The following C16orf96 variants were observed in gnomAD, a reference collection of about 807,000 sequenced individuals.
The protein encoded by C16orf96 is uncharacterized protein C16orf96.
In C16orf96, 108 loss-of-function variants were observed where a neutral mutation model predicts 103.6. That is an observed-to-expected ratio of 1.04 (90% CI 0.89 to 1.22). The LOEUF (loss-of-function observed/expected upper bound fraction) is 1.22. C16orf96 is among the 50% of genes most tolerant of loss of function. The pLI is 0.00. For missense variants in C16orf96, 1,586 were observed against 1,464.2 expected (o/e 1.08, Z -1.36); for synonymous variants, 566 against 593.5 (o/e 0.95, Z 0.67).
At chr16:4,566,291 C>T (rs796277158) in intron 1 of C16orf96, among the ~76,000 whole-genome samples, 14 of 152,292 alleles carry the variant, frequency 9.2e-5, no homozygotes, top group South Asian at 4.1e-4. Flanking sequence ...ATTTACATTC[C>T]CAGCAGCAGT....
At chr16:4,567,327 A>G (rs1376351261) in intron 1 of C16orf96, among the ~76,000 whole-genome samples, 2 of 121,744 alleles carry the variant, frequency 1.6e-5, no homozygotes, top group Non-Finnish European at 3.2e-5. Context: ...TCTGTCACCC[A>G]GGCTGGAGTG....
At chr16:4,554,955 T>C (rs1248363673), upstream of C16orf96, among the ~76,000 whole-genome samples, 1 of 151,512 alleles carries the variant, frequency 6.6e-6, no homozygotes, top group East Asian at 2.0e-4. Context: ...CCACCTGGGC[T>C]CTCCTTCCCA....
At chr16:4,562,865 C>T in intron 1 of C16orf96, 1 of 1,386,784 alleles carries the variant, frequency 7.2e-7, no homozygotes, top group Non-Finnish European at 1.0e-6. Context: ...TCAGCTGGCT[C>T]CATTGTTCTG....
upstream of C16orf96, among the ~76,000 whole-genome samples, chr16:4,552,309 C>G (rs578008932): frequency 1.7e-4 from 26 of 151,960 alleles, no homozygotes; most frequent in East Asian, 4.8e-3. Context: ...TGGTGAAACC[C>G]CATCTCTACT....
chr16:4,579,886 C>T, intron 6 of C16orf96, 129 bp from the exon 7 acceptor site: 2 of 713,474 alleles, frequency 2.8e-6, no homozygotes, highest in Non-Finnish European at 4.7e-6. Flanking sequence ...GCTGGGATTA[C>T]AGGCATGAGC....
Position 4,569,904 on chromosome 16 carries a change from C to T in C16orf96, c.421-1657C>T, listed in dbSNP as rs964397753. Among the ~76,000 whole-genome samples the T allele has an allele frequency of 5.3e-5, 8 of 152,046 alleles. 1 individual carries two copies. The highest frequency in any genetic ancestry group is 5.2e-4 in the Admixed American group (8 of 15,240). ...TCTCACCAGGAGGACATGTTGAAAG[C>T]GTGCCCATGGCCACTTTTACAACTT... On this transcript the variant is annotated intron_variant, in intron 1 of 15. Coordinates refer to ENST00000444310, the MANE Select transcript of C16orf96 (RefSeq NM_001145011.2).
At position 4,583,916 on chromosome 16, in the gene C16orf96, C is replaced by G. The variant is rs184478774; in HGVS notation, c.2353-3123C>G. ...CTCCAGCCTGGGCGAGAGAGCAAGACTGTATCTCAAAAAAAAAAAAAAAAA... is the reference window on the plus strand; with the variant it reads ...CTCCAGCCTGGGCGAGAGAGCAAGAGTGTATCTCAAAAAAAAAAAAAAAAA... On this transcript the variant is annotated intron_variant, in intron 7 of 15. Transcript: ENST00000444310. Among the ~76,000 whole-genome samples, 260 of 83,910 alleles carry G rather than the reference C, an allele frequency of 3.1e-3. 1 individual carries two copies. The highest frequency in any genetic ancestry group is 0.013 in the African/African-American group (256 of 19,716). 55.0% of individuals were successfully genotyped at this position (83,910 alleles called of 152,430 possible). A position where few individuals can be genotyped will look rare whatever the true frequency, so the allele number is the denominator to read the frequency against.
chr16:4,587,549 GAAAGAAAGAA>G (rs924706651), intron 8 of C16orf96, among the ~76,000 whole-genome samples: 11 of 133,446 alleles, frequency 8.2e-5, no homozygotes, highest in African/African-American at 2.3e-4. Flanking sequence ...AAAAAAAAAA[GAAAGAAAGAA>G]AAAGAAAGAA....
At chr16:4,591,615 G>A in intron 9 of C16orf96, 51 bp from the exon 10 acceptor site, 1 of 1,419,406 alleles carries the variant, frequency 7.0e-7, no homozygotes, top group Non-Finnish European at 9.7e-7. Context: ...AAGGAGGCAG[G>A]GTGTGAATTC....
chr16:4,574,682 A>C (rs2059479149), intron 2 of C16orf96, 27 bp from the exon 3 acceptor site: 3 of 1,537,462 alleles, frequency 2.0e-6, no homozygotes, highest in Non-Finnish European at 2.6e-6. Context: ...CTGGACCCCC[A>C]GTCCACAGAC....
intron 7 of C16orf96, among the ~76,000 whole-genome samples, chr16:4,581,116 C>T (rs2059580011): frequency 7.5e-6 from 1 of 133,068 alleles, no homozygotes; most frequent in Non-Finnish European, 1.6e-5. Context: ...AAGAGCAAAA[C>T]TCTGTCTAAA....
chr16:4,573,761 AAAAAAAG>A (rs1202080750), intron 2 of C16orf96, among the ~76,000 whole-genome samples: 3 of 151,186 alleles, frequency 2.0e-5, no homozygotes, highest in African/African-American at 7.3e-5. Flanking sequence ...CAAAAAAAAA[AAAAAAAG>A]AAAAAAGAAA....
intron 15 of C16orf96, 132 bp downstream of exon 15, chr16:4,599,496 C>G (rs1897241622): frequency 2.5e-6 from 2 of 792,644 alleles, no homozygotes; most frequent in African/African-American, 3.4e-5. Context: ...GCCTGCTTTG[C>G]CTGCCTATGG....
chr16:4,555,485 G>A (rs1245295622), upstream of C16orf96, among the ~76,000 whole-genome samples: 11 of 150,856 alleles, frequency 7.3e-5, no homozygotes, highest in African/African-American at 2.2e-4. Flanking sequence ...GCAATTCTCT[G>A]CCTCAGCCTC....
intron 14 of C16orf96, among the ~76,000 whole-genome samples, chr16:4,598,168 A>G (rs1368597509): frequency 6.6e-6 from 1 of 152,044 alleles, no homozygotes; most frequent in African/African-American, 2.4e-5. Context: ...CCTGGGCAAC[A>G]TCGTGAAACC....
At chr16:4,543,984 G>A in the C16orf96 span, among the ~76,000 whole-genome samples, 1 of 152,022 alleles carries the variant, frequency 6.6e-6, no homozygotes, top group Non-Finnish European at 1.5e-5. Context: ...GTGTGGAGGG[G>A]GTGCAAATTT....
chr16:4,558,266 A>C (rs1175498938), intron 1 of C16orf96, among the ~76,000 whole-genome samples: 1 of 152,228 alleles, frequency 6.6e-6, no homozygotes, highest in Non-Finnish European at 1.5e-5. Flanking sequence ...GACCCCTGCT[A>C]ACCCCGACCA....
At chr16:4,584,551 T>C (rs932621745) in intron 7 of C16orf96, among the ~76,000 whole-genome samples, 3 of 151,102 alleles carry the variant, frequency 2.0e-5, no homozygotes, top group Non-Finnish European at 4.4e-5. Context: ...TTGTTTTTGT[T>C]CGAGGCAGAA....
intron 7 of C16orf96, among the ~76,000 whole-genome samples, chr16:4,580,338 G>T (rs1036971180): frequency 8.2e-6 from 1 of 122,694 alleles, no homozygotes; most frequent in Admixed American, 1.2e-4. Context: ...AAACAGAAGG[G>T]CCGGGACAAT....
Sources: allele counts gnomAD v4.1 joint callset (sites outside exome capture counted in the v4.1 genomes callset), GRCh38; gene constraint gnomAD v4.1.1; transcripts MANE v1.5; gene names NCBI Gene and HGNC (gene_info 2026-07-23, HGNC 2026-07-21).